TRAK1: variants seen among roughly 807,000 people sequenced by gnomAD.
TRAK1 encodes the protein trafficking kinesin-binding protein 1.
Under a neutral mutation model 92.1 loss-of-function variants are expected in TRAK1, and 33 were observed. That is an observed-to-expected ratio of 0.36 (90% CI 0.27 to 0.48). The LOEUF (loss-of-function observed/expected upper bound fraction) is 0.48. TRAK1 is among the 20% of genes least tolerant of loss of function. The pLI is 0.99. For synonymous variants in TRAK1, 521 were observed against 517.3 expected (o/e 1.01, Z -0.10); for missense variants, 1,123 against 1,257.9 (o/e 0.89, Z 1.62).
At chr3:42,218,342 C>T in intron 14 of TRAK1, 1 of 984,714 alleles carries the variant, frequency 1.0e-6, no homozygotes, top group Non-Finnish European at 1.2e-6. Context: ...TAGTTCACAG[C>T]CTTTTGAATC....
chr3:42,062,543 C>T (rs566130017), intron 1 of TRAK1, among the ~76,000 whole-genome samples: 1 of 152,298 alleles, frequency 6.6e-6, no homozygotes, highest in South Asian at 2.1e-4. Flanking sequence ...GTATTTGAGT[C>T]CTGGCACCTC....
intron 1 of TRAK1, among the ~76,000 whole-genome samples, chr3:42,040,495 T>G (rs1468872196): frequency 6.6e-6 from 1 of 152,176 alleles, no homozygotes; most frequent in South Asian, 2.1e-4. Context: ...GGTACAACTT[T>G]ATTGTTTTAC....
intron 2 of TRAK1, among the ~76,000 whole-genome samples, chr3:42,144,379 T>C (rs1699075908): frequency 6.6e-6 from 1 of 152,186 alleles, no homozygotes; most frequent in Non-Finnish European, 1.5e-5. Context: ...TAATTGATTA[T>C]AGCTTCCCCT....
intron 1 of TRAK1, among the ~76,000 whole-genome samples, chr3:42,031,284 G>T (rs1038168845): frequency 1.3e-4 from 20 of 151,728 alleles, no homozygotes; most frequent in Non-Finnish European, 2.4e-4. Context: ...TGATCCACCC[G>T]CCTCGACCTC....
At chr3:42,125,958 C>T (rs538569908) in intron 2 of TRAK1, among the ~76,000 whole-genome samples, 1 of 152,134 alleles carries the variant, frequency 6.6e-6, no homozygotes, top group South Asian at 2.1e-4. Flanking sequence ...TCAAACGATT[C>T]TCCTGCTTCA....
chr3:42,114,863 C>T (rs1248409758), intron 1 of TRAK1, among the ~76,000 whole-genome samples: 1 of 152,096 alleles, frequency 6.6e-6, no homozygotes, highest in Non-Finnish European at 1.5e-5. Context: ...CTGGCGTGCA[C>T]CACCACGTCT....
chr3:42,088,579 C>T (rs1292259687), upstream of TRAK1, among the ~76,000 whole-genome samples: 2 of 152,222 alleles, frequency 1.3e-5, no homozygotes, highest in African/African-American at 4.8e-5. Flanking sequence ...AGGCCAGTGT[C>T]TCTGCTCTTC....
At chr3:42,215,702 G>A (rs1709605240) in intron 14 of TRAK1, among the ~76,000 whole-genome samples, 1 of 152,190 alleles carries the variant, frequency 6.6e-6, no homozygotes, top group Admixed American at 6.5e-5. Flanking sequence ...GCATCCCAAA[G>A]GTGGAGTCCC....
intron 12 of TRAK1, among the ~76,000 whole-genome samples, chr3:42,201,866 GGACGGACGGACA>G (rs1459196144): frequency 2.4e-4 from 31 of 131,678 alleles, no homozygotes; most frequent in African/African-American, 9.0e-4. Flanking sequence ...ACGGACGGAC[GGACGGACGGACA>G]GACGGACACA....
intron 6 of TRAK1, 140 bp from the exon 7 acceptor site, chr3:42,191,418 G>A: frequency 1.6e-6 from 1 of 622,914 alleles, no homozygotes; most frequent in Non-Finnish European, 2.7e-6. Context: ...CTGTATTTGA[G>A]GGTACGATGG....
chr3:42,189,269 C>G (rs1705335637), intron 6 of TRAK1, 145 bp downstream of exon 6: 2 of 635,372 alleles, frequency 3.1e-6, no homozygotes, highest in African/African-American at 1.8e-5. Flanking sequence ...GATGTGCCTC[C>G]TCTATGCTCT....
intron 2 of TRAK1, among the ~76,000 whole-genome samples, chr3:42,152,634 C>A (rs1345747524): frequency 6.6e-6 from 1 of 152,116 alleles, no homozygotes; most frequent in Non-Finnish European, 1.5e-5. Flanking sequence ...GGAAAGCAGC[C>A]TCAGGCATGG....
intron 15 of TRAK1, chr3:42,220,728 T>A: frequency 2.1e-6 from 1 of 477,830 alleles, no homozygotes. Context: ...TCGGCCTTGA[T>A]GGTCGATGCC....
At chr3:42,206,016 G>A (rs1708296880) in intron 13 of TRAK1, among the ~76,000 whole-genome samples, 1 of 152,208 alleles carries the variant, frequency 6.6e-6, no homozygotes, top group Non-Finnish European at 1.5e-5. Flanking sequence ...ATGGGAGGTA[G>A]CTCATATTAC....
chr3:42,028,626 G>T (rs1372072140), intron 1 of TRAK1, among the ~76,000 whole-genome samples: 1 of 152,228 alleles, frequency 6.6e-6, no homozygotes, highest in Non-Finnish European at 1.5e-5. Flanking sequence ...CCCAGGCAGA[G>T]CAAACAGCAA....
At chr3:42,187,412 G>A (rs1299241976) in intron 4 of TRAK1, among the ~76,000 whole-genome samples, 1 of 152,164 alleles carries the variant, frequency 6.6e-6, no homozygotes, top group Non-Finnish European at 1.5e-5. Context: ...TATTTGCCCA[G>A]CTGATCATCT....
At chr3:42,158,504 G>A (rs528836643) in intron 2 of TRAK1, among the ~76,000 whole-genome samples, 34 of 150,658 alleles carry the variant, frequency 2.3e-4, no homozygotes, top group African/African-American at 8.3e-4. Context: ...TTTTGAGTGT[G>A]TTTATATTTA....
intron 1 of TRAK1, among the ~76,000 whole-genome samples, chr3:42,043,135 C>T (rs1702614088): frequency 6.6e-6 from 1 of 152,008 alleles, no homozygotes; most frequent in African/African-American, 2.4e-5. Flanking sequence ...CAAGCTTAAG[C>T]TTTGTTATTG....
intron 1 of TRAK1, among the ~76,000 whole-genome samples, chr3:42,075,691 T>C (rs1038649088): frequency 6.6e-6 from 1 of 152,198 alleles, no homozygotes; most frequent in Non-Finnish European, 1.5e-5. Flanking sequence ...TTCTGACTAG[T>C]GTGAGATGGT....
Sources: allele counts gnomAD v4.1 joint callset (sites outside exome capture counted in the v4.1 genomes callset), GRCh38; gene constraint gnomAD v4.1.1; transcripts MANE v1.5; gene names NCBI Gene and HGNC (gene_info 2026-07-23, HGNC 2026-07-21).